The following MFHAS1 variants were observed in gnomAD, a reference collection of about 807,000 sequenced individuals.
The protein encoded by MFHAS1 is malignant fibrous histiocytoma-amplified sequence 1.
A neutral mutation model predicts 70.4 loss-of-function variants in MFHAS1; 50 were observed. The ratio of observed to expected loss-of-function variants is 0.71; its 90% CI spans 0.57 to 0.90. The LOEUF (loss-of-function observed/expected upper bound fraction) is 0.90, where lower values mean the gene tolerates loss of function less well. Among genes scored for constraint, MFHAS1 ranks in the 40% least tolerant of loss-of-function variants. The probability of loss-of-function intolerance (pLI) is 0.00; values close to 1 mark genes in which losing one functional copy is unlikely to be tolerated. For missense variants in MFHAS1, 1,795 were observed against 1,347.6 expected, an observed-to-expected ratio of 1.33 and a Z score of -5.20; for synonymous variants, 952 against 620.0, an observed-to-expected ratio of 1.54 and a Z score of -7.96.
At chr8:8,834,411 C>T (rs1255934299) in intron 1 of MFHAS1, among the ~76,000 whole-genome samples, 1 of 152,230 alleles carries the variant, frequency 6.6e-6, no homozygotes, top group African/African-American at 2.4e-5. Flanking sequence ...CCCAGAGACA[C>T]TTCCAGTACG....
chr8:8,834,686 T>C (rs1234833404), intron 1 of MFHAS1, among the ~76,000 whole-genome samples: 1 of 152,222 alleles, frequency 6.6e-6, no homozygotes, highest in African/African-American at 2.4e-5. Flanking sequence ...AACAATGAAA[T>C]TGCCTAATGA....
chr8:8,794,268 GC>G, intron 2 of MFHAS1, among the ~76,000 whole-genome samples: 1 of 152,114 alleles, frequency 6.6e-6, no homozygotes, highest in Middle Eastern at 3.2e-3. Flanking sequence ...CAGTGCAATA[GC>G]CCCGGACTTC....
chr8:8,799,060 A>C (rs1805999019), intron 1 of MFHAS1, among the ~76,000 whole-genome samples: 1 of 151,838 alleles, frequency 6.6e-6, no homozygotes, highest in African/African-American at 2.4e-5. Flanking sequence ...CAACAACAAA[A>C]AAAAAAAAAG....
chr8:8,891,433 G>A lies in MFHAS1; in HGVS notation c.1626C>T (p.Cys542=), dbSNP rs1260546431. 6.2e-7 allele frequency: 1 copy of A among 1,612,876 alleles called. No individual in the cohort carries two copies. The highest frequency in any genetic ancestry group is 8.5e-7 in the Non-Finnish European group (1 of 1,180,026). ...VCIVGTHADL[C]GERELEEKCL... Reference sequence around the variant, plus strand: ...ATTTCTCCTCCAGCTCACGCTCTCCGCACAGGTCTGCGTGGGTGCCCACGA... The same window carrying A: ...ATTTCTCCTCCAGCTCACGCTCTCCACACAGGTCTGCGTGGGTGCCCACGA... Residue 542 remains cysteine, a synonymous_variant, in exon 1 of 3, where the codon TGC becomes TGT. Transcript: ENST00000276282. The surrounding 1 kb of genome is among the most constrained non-coding windows in gnomAD (Gnocchi z 5.4).
At chr8:8,796,963 TC>T (rs201260366) in intron 2 of MFHAS1, among the ~76,000 whole-genome samples, 2,413 of 152,194 alleles carry the variant, frequency 0.016, 30 homozygotes, top group Middle Eastern at 0.027. Context: ...ACCACTGCAC[TC>T]CAGCCTGGGT....
At chr8:8,854,844 T>G (rs181547213) in intron 1 of MFHAS1, among the ~76,000 whole-genome samples, 92 of 152,320 alleles carry the variant, frequency 6.0e-4, no homozygotes, top group Non-Finnish European at 1.2e-3. Context: ...ACTTTATTGT[T>G]TATCTGAAAT....
chr8:8,795,903 C>T (rs1805875483), intron 2 of MFHAS1, among the ~76,000 whole-genome samples: 1 of 152,070 alleles, frequency 6.6e-6, no homozygotes, highest in Non-Finnish European at 1.5e-5. Context: ...TTCCATGTGG[C>T]CAGCTAGGAA....
intron 1 of MFHAS1, among the ~76,000 whole-genome samples, chr8:8,855,150 G>A (rs987126043): frequency 6.6e-6 from 1 of 152,106 alleles, no homozygotes; most frequent in Non-Finnish European, 1.5e-5. Flanking sequence ...GAGAGGTCTC[G>A]CCATGTCGCC....
At chr8:8,815,958 G>C (rs913787931) in intron 1 of MFHAS1, among the ~76,000 whole-genome samples, 1 of 152,216 alleles carries the variant, frequency 6.6e-6, no homozygotes, top group Non-Finnish European at 1.5e-5. Flanking sequence ...TCGTACAATA[G>C]ACTACTATCT....
chr8:8,802,977 A>G (rs533565706), intron 1 of MFHAS1, among the ~76,000 whole-genome samples: 1 of 152,134 alleles, frequency 6.6e-6, no homozygotes, highest in Non-Finnish European at 1.5e-5. Context: ...TTTGGCAACA[A>G]TCTTCCTGCA....
chr8:8,863,314 C>A (rs1184097128), intron 1 of MFHAS1, among the ~76,000 whole-genome samples: 1 of 152,170 alleles, frequency 6.6e-6, no homozygotes, highest in Non-Finnish European at 1.5e-5. Flanking sequence ...GGACAATTCA[C>A]CCCCAATGGA....
chr8:8,848,984 G>A (rs1050361936), intron 1 of MFHAS1, among the ~76,000 whole-genome samples: 4 of 150,660 alleles, frequency 2.7e-5, no homozygotes, highest in Non-Finnish European at 4.4e-5. Flanking sequence ...CTACATGATG[G>A]AATTGACCAC....
intron 2 of MFHAS1, among the ~76,000 whole-genome samples, chr8:8,787,709 G>A (rs1191237143): frequency 6.6e-6 from 1 of 152,188 alleles, no homozygotes; most frequent in Non-Finnish European, 1.5e-5. Context: ...AGCTAACTTT[G>A]GTGGTGTGAG....
chr8:8,854,316 T>C (rs1393667971), intron 1 of MFHAS1, among the ~76,000 whole-genome samples: 1 of 152,002 alleles, frequency 6.6e-6, no homozygotes, highest in East Asian at 1.9e-4. Flanking sequence ...GGTCAGGAGA[T>C]CAAGACCATC....
chr8:8,804,623 C>T (rs1017863687), intron 1 of MFHAS1, among the ~76,000 whole-genome samples: 1 of 152,202 alleles, frequency 6.6e-6, no homozygotes, highest in African/African-American at 2.4e-5. Context: ...ACTAAACAAA[C>T]TCAGTGTCAG....
At chr8:8,865,662 A>T (rs1808828945) in intron 1 of MFHAS1, among the ~76,000 whole-genome samples, 1 of 152,234 alleles carries the variant, frequency 6.6e-6, no homozygotes, top group African/African-American at 2.4e-5. Context: ...ATCCTAGTCT[A>T]CTCAAGGTGA....
Position 8,890,812 on chromosome 8 carries a change from C to T in MFHAS1, c.2247G>A (p.Leu749=), listed in dbSNP as rs746005927. Residue 749 remains leucine, a synonymous_variant, in exon 1 of 3, where the codon CTG becomes CTA. Coordinates refer to ENST00000276282, the MANE Select transcript of MFHAS1 (RefSeq NM_004225.3). The part of the protein sequence containing the change: ...VFFQRDPSLL[L]HKLLLGTSGE... Reference sequence around the variant, plus strand: ...CACTGGTCCCTAGGAGCAGCTTATGCAGCAGCAAAGAGGGATCCCTCTGGA... The same window carrying T: ...CACTGGTCCCTAGGAGCAGCTTATGTAGCAGCAAAGAGGGATCCCTCTGGA... 9 of 1,614,074 alleles carry T rather than the reference C, an allele frequency of 5.6e-6. No individual in the cohort carries two copies. Among genetic ancestry groups the T allele is most frequent in the African/African-American group, 1.3e-5 (1 of 74,948 alleles).
At chr8:8,857,727 T>G (rs180894368) in intron 1 of MFHAS1, among the ~76,000 whole-genome samples, 1 of 151,680 alleles carries the variant, frequency 6.6e-6, no homozygotes, top group Non-Finnish European at 1.5e-5. Flanking sequence ...ACCAAGGCAC[T>G]CTAGCCTGGG....
chr8:8,814,947 C>T, intron 1 of MFHAS1, among the ~76,000 whole-genome samples: 1 of 150,568 alleles, frequency 6.6e-6, no homozygotes. Flanking sequence ...GAGTTTGCTG[C>T]ATAGATCAAC....
Sources: allele counts gnomAD v4.1 joint callset (sites outside exome capture counted in the v4.1 genomes callset), GRCh38; gene constraint gnomAD v4.1.1; non-coding constraint Gnocchi (gnomAD v3.1); transcripts MANE v1.5; gene names NCBI Gene and HGNC (gene_info 2026-07-23, HGNC 2026-07-21).